The following CFAP299 variants were observed in gnomAD, a reference collection of about 807,000 sequenced individuals.
The protein encoded by CFAP299 is cilia- and flagella-associated protein 299.
In CFAP299, 21 loss-of-function variants were observed where a neutral mutation model predicts 27.0. The observed-to-expected ratio is 0.78, with a 90% CI of 0.55 to 1.12. The LOEUF (loss-of-function observed/expected upper bound fraction) is 1.12, where lower values mean the gene tolerates loss of function less well. Among genes scored for constraint, CFAP299 ranks in the 50% most tolerant of loss-of-function variants. The pLI, the probability that CFAP299 is intolerant of heterozygous loss-of-function variation, is 0.00. For missense variants in CFAP299, 310 were observed against 276.6 expected (o/e 1.12, Z -0.86); for synonymous variants, 104 against 98.1 (o/e 1.06, Z -0.36).
chr4:80,616,981 T>C (rs1738325503), intron 3 of CFAP299, among the ~76,000 whole-genome samples: 1 of 152,164 alleles, frequency 6.6e-6, no homozygotes, highest in Non-Finnish European at 1.5e-5. Context: ...AGAAGTTATC[T>C]ATCTCTATAC....
chr4:80,708,879 G>A (rs1421624463), intron 3 of CFAP299, among the ~76,000 whole-genome samples: 1 of 152,088 alleles, frequency 6.6e-6, no homozygotes. Flanking sequence ...ATAACTATAA[G>A]CATTGTTTAC....
chr4:80,858,936 C>T (rs1240647513), intron 3 of CFAP299, among the ~76,000 whole-genome samples: 4 of 152,238 alleles, frequency 2.6e-5, no homozygotes, highest in African/African-American at 9.6e-5. Flanking sequence ...CCGCTTGGTG[C>T]AGAGCTGAGT....
intron 5 of CFAP299, among the ~76,000 whole-genome samples, chr4:80,947,737 A>T (rs1737549002): frequency 6.6e-6 from 1 of 152,162 alleles, no homozygotes; most frequent in Non-Finnish European, 1.5e-5. Context: ...AATAAGTAGA[A>T]AGACACTTAT....
intron 3 of CFAP299, among the ~76,000 whole-genome samples, chr4:80,659,419 C>A (rs532895571): frequency 1.3e-3 from 194 of 151,204 alleles, no homozygotes; most frequent in African/African-American, 4.2e-3. Flanking sequence ...AATCAATATC[C>A]AAAAATAAAT....
intron 2 of CFAP299, among the ~76,000 whole-genome samples, chr4:80,409,579 A>G (rs975923479): frequency 1.3e-5 from 2 of 152,210 alleles, no homozygotes; most frequent in Non-Finnish European, 2.9e-5. Context: ...TTAAAATGTC[A>G]TCAAGATGTA....
intron 2 of CFAP299, among the ~76,000 whole-genome samples, chr4:80,483,581 G>A (rs746407184): frequency 3.3e-5 from 5 of 152,190 alleles, no homozygotes; most frequent in African/African-American, 1.2e-4. Flanking sequence ...GCCAGAGGAA[G>A]TATGAGGTCT....
Position 80,807,159 on chromosome 4 carries a change from CTT to C in CFAP299, c.334-62833_334-62832del, listed in dbSNP as rs775373939. On this transcript the variant is annotated intron_variant, in intron 3 of 5. Coordinates refer to ENST00000358105, the MANE Select transcript of CFAP299 (RefSeq NM_152770.3). The stretch of plus-strand genomic sequence containing the variant: ...TGATTTTTTTCTTTGAATATATAAA[CTT>C]ATTAAGGAAAGAAGTTCAAATATAA... 2.0e-5 allele frequency among the ~76,000 whole-genome samples: 3 copies of C among 151,866 alleles called. No individual in the cohort carries two copies. In the East Asian group the frequency reaches 5.8e-4, roughly 29 times the overall value.
chr4:80,459,124 G>A (rs904024796), intron 2 of CFAP299, among the ~76,000 whole-genome samples: 3 of 152,148 alleles, frequency 2.0e-5, no homozygotes, highest in South Asian at 2.1e-4. Flanking sequence ...AGGACTACAG[G>A]TGCATTATCA....
chr4:80,870,281 AT>A, intron 4 of CFAP299, 146 bp downstream of exon 4: 1 of 1,286,238 alleles, frequency 7.8e-7, no homozygotes, highest in Non-Finnish European at 1.0e-6. Context: ...AAATCTTAAA[AT>A]AAGGAATAAG....
rs1413745664 is a variant in CFAP299 at position 80,899,617 on chromosome 4, C to T, written c.476+29482C>T. Among the ~76,000 whole-genome samples, 4 of 152,296 alleles carry T rather than the reference C, an allele frequency of 2.6e-5. No individual in the cohort carries two copies. The East Asian group carries it at 7.7e-4, about 29-fold the overall frequency. Reference sequence around the variant, plus strand: ...TGAACTTGAGAGAGGTGCTTTTAAACTAGGCATGTCAGAGATTTCAGTCCT... The same window carrying T: ...TGAACTTGAGAGAGGTGCTTTTAAATTAGGCATGTCAGAGATTTCAGTCCT... On this transcript the variant is annotated intron_variant, in intron 4 of 5. Transcript: ENST00000358105.
At chr4:80,857,183 A>C (rs1731964051) in intron 3 of CFAP299, among the ~76,000 whole-genome samples, 1 of 152,116 alleles carries the variant, frequency 6.6e-6, no homozygotes, top group South Asian at 2.1e-4. Flanking sequence ...ATGGGAGTTC[A>C]CTCATGATTT....
At chr4:80,604,535 G>C (rs1737538774) in intron 3 of CFAP299, among the ~76,000 whole-genome samples, 1 of 152,138 alleles carries the variant, frequency 6.6e-6, no homozygotes, top group African/African-American at 2.4e-5. Context: ...AGTGTTACCT[G>C]GATTGCAAGC....
In CFAP299 at chr4:80,784,547, C is replaced by T. The variant is rs571756532; in HGVS notation, c.334-85446C>T. Reference sequence around the variant, plus strand: ...TCTTTCTTTTTTTGAGACGGAGTTTCGCTCTTGTTGCCCAGGCTGGAGTGC... The same window carrying T: ...TCTTTCTTTTTTTGAGACGGAGTTTTGCTCTTGTTGCCCAGGCTGGAGTGC... On this transcript the variant is annotated intron_variant, in intron 3 of 5. Coordinates refer to ENST00000358105, the MANE Select transcript of CFAP299 (RefSeq NM_152770.3). Among the ~76,000 whole-genome samples, 22 of 151,144 alleles carry T rather than the reference C, an allele frequency of 1.5e-4. 1 individual carries two copies. The South Asian group carries it at 3.5e-3, about 24-fold the overall frequency.
chr4:80,390,514 C>T (rs13152054), intron 2 of CFAP299, among the ~76,000 whole-genome samples: 7,007 of 37,404 alleles, frequency 0.19, 850 homozygotes, highest in Middle Eastern at 0.26. Context: ...TATATACACA[C>T]ATATATGTAT....
intron 2 of CFAP299, among the ~76,000 whole-genome samples, chr4:80,522,946 G>T (rs1732994781): frequency 6.6e-6 from 1 of 151,884 alleles, no homozygotes; most frequent in South Asian, 2.1e-4. Flanking sequence ...CTCTAGATTT[G>T]TTCTTCTTTC....
At chr4:80,862,231 G>A (rs966336972) in intron 3 of CFAP299, among the ~76,000 whole-genome samples, 1 of 152,004 alleles carries the variant, frequency 6.6e-6, no homozygotes, top group Non-Finnish European at 1.5e-5. Context: ...TTAGCTTGGA[G>A]CAGTGGCGTG....
intron 2 of CFAP299, among the ~76,000 whole-genome samples, chr4:80,431,718 GC>G (rs1005653188): frequency 8.6e-4 from 131 of 152,286 alleles, no homozygotes; most frequent in African/African-American, 2.9e-3. Flanking sequence ...TCACAGAGAA[GC>G]CTCTTCACCT....
At chr4:80,555,579 A>G (rs1290521345) in intron 2 of CFAP299, among the ~76,000 whole-genome samples, 2 of 152,018 alleles carry the variant, frequency 1.3e-5, no homozygotes, top group Non-Finnish European at 2.9e-5. Context: ...ATAATACCAG[A>G]ACTTATTTAT....
intron 2 of CFAP299, among the ~76,000 whole-genome samples, chr4:80,478,849 G>A (rs1017674223): frequency 4.6e-5 from 7 of 150,976 alleles, no homozygotes; most frequent in African/African-American, 1.2e-4. Flanking sequence ...TGATGGGTTC[G>A]CATACATTTT....
Sources: gnomAD v4.1 joint callset for allele counts (sites outside exome capture counted in the v4.1 genomes callset) on GRCh38, gnomAD v4.1.1 for gene constraint, MANE v1.5 for transcripts, NCBI Gene and HGNC (gene_info 2026-07-23, HGNC 2026-07-21) for gene names.